Variants in MND1 observed in about 807,000 individuals in gnomAD.
MND1 encodes the protein meiotic nuclear divisions 1.
In MND1, 28 loss-of-function variants were observed where a neutral mutation model predicts 35.1. The ratio of observed to expected loss-of-function variants is 0.80; its 90% CI spans 0.59 to 1.09. The LOEUF is 1.09. Among genes scored for constraint, MND1 ranks in the 50% least tolerant of loss-of-function variants. MND1 has a pLI of 0.00. For synonymous variants in MND1, 69 were observed against 70.5 expected, an observed-to-expected ratio of 0.98 and a Z score of 0.11; for missense variants, 213 against 239.6, an observed-to-expected ratio of 0.89 and a Z score of 0.73.
chr4:153,382,725 T>C (rs1442840788), intron 4 of MND1, among the ~76,000 whole-genome samples: 2 of 152,196 alleles, frequency 1.3e-5, no homozygotes, highest in African/African-American at 4.8e-5. Context: ...AAATAATTTG[T>C]TTTATTTTAG....
intron 6 of MND1, among the ~76,000 whole-genome samples, chr4:153,400,355 C>T (rs139379480): frequency 6.8e-4 from 104 of 152,232 alleles, no homozygotes; most frequent in African/African-American, 2.5e-3. Flanking sequence ...AAGAATCCTT[C>T]CTTCCTGGCT....
In MND1 at chr4:153,414,912, T is replaced by A; in HGVS notation, c.*55T>A. The stretch of plus-strand genomic sequence containing the variant: ...GCTTGTGAATATGTAAATTTTAAAC[T>A]ATTATCTAACTAAGTGTACTGAATT... On this transcript the variant is annotated 3_prime_UTR_variant, in exon 8 of 8. Coordinates refer to ENST00000240488, the MANE Select transcript of MND1 (RefSeq NM_032117.4). 1.3e-6 allele frequency: 1 copy of A among 750,596 alleles called. No individual in the cohort carries two copies. Among genetic ancestry groups the A allele is most frequent in the Non-Finnish European group, 2.1e-6 (1 of 468,068 alleles). 46.5% of individuals were successfully genotyped at this position (750,596 alleles called of 1,614,324 possible).
chr4:153,369,691 G>A (rs1390543348), intron 4 of MND1, among the ~76,000 whole-genome samples: 1 of 151,240 alleles, frequency 6.6e-6, no homozygotes, highest in African/African-American at 2.4e-5. Flanking sequence ...TCAGGGTGAT[G>A]GTTGCTGAAG....
At position 153,397,923 on chromosome 4, in the gene MND1, C is replaced by T. The variant is rs375300022; in HGVS notation, c.466+590C>T. ...GAAGTGTGGGATAGAAGGATAAAGA[C>T]ATAAAATATAAGGTTAGAGAACTGA... On this transcript the variant is annotated intron_variant, in intron 6 of 7. Transcript: ENST00000240488. 1.4e-4 allele frequency among the ~76,000 whole-genome samples: 20 copies of T among 143,862 alleles called. No individual in the cohort carries two copies. In the South Asian group the frequency reaches 2.2e-3, roughly 16 times the overall value. 94.4% of individuals were successfully genotyped at this position (143,862 alleles called of 152,430 possible).
chr4:153,357,349 G>A (rs79053555), intron 3 of MND1, among the ~76,000 whole-genome samples: 1,727 of 152,132 alleles, frequency 0.011, 23 homozygotes, highest in Non-Finnish European at 0.019. Context: ...ATACACAGTT[G>A]ACCCTGGAAC....
chr4:153,408,815 T>A (rs1729591358), intron 6 of MND1, among the ~76,000 whole-genome samples, 156 bp from the exon 7 acceptor site: 1 of 151,262 alleles, frequency 6.6e-6, no homozygotes, highest in Non-Finnish European at 1.5e-5. Flanking sequence ...TGTCACTATT[T>A]CAGCTTTTTT....
At chr4:153,401,852 T>C (rs1729354650) in intron 6 of MND1, among the ~76,000 whole-genome samples, 1 of 152,218 alleles carries the variant, frequency 6.6e-6, no homozygotes, top group African/African-American at 2.4e-5. Flanking sequence ...AATACATATA[T>C]TTAATTATGC....
intron 6 of MND1, among the ~76,000 whole-genome samples, chr4:153,405,814 C>CT (rs1333187523): frequency 3.9e-5 from 6 of 151,912 alleles, no homozygotes; most frequent in South Asian, 2.1e-4. Context: ...ATTTATATTT[C>CT]TTTTTTTTGA....
At chr4:153,414,608 T>G in intron 7 of MND1, 143 bp from the exon 8 acceptor site, 1 of 455,556 alleles carries the variant, frequency 2.2e-6, no homozygotes, top group Non-Finnish European at 4.0e-6. Context: ...TTAGTTGCCA[T>G]TACTCTTAAA....
At position 153,371,073 on chromosome 4, in the gene MND1, A is replaced by ATTGCC. The variant is rs557534869; in HGVS notation, c.276+12454_276+12455insCCTTG. ...TTCTTGGGTGACTAGGTACATTGTCATTGGGCAGTAATATTTTGAAAGAAA... is the reference window on the plus strand; with the variant it reads ...TTCTTGGGTGACTAGGTACATTGTCATTGCCTTGGGCAGTAATATTTTGAAAGAAA... On this transcript the variant is annotated intron_variant, in intron 4 of 7. Transcript: ENST00000240488. Among the ~76,000 whole-genome samples the ATTGCC allele has an allele frequency of 3.5e-3, 535 of 152,192 alleles. 7 individuals are homozygous for ATTGCC. Among genetic ancestry groups the ATTGCC allele is most frequent in the South Asian group, 0.011 (55 of 4,822 alleles).
chr4:153,380,805 G>A (rs1182894619), intron 4 of MND1, among the ~76,000 whole-genome samples: 2 of 152,052 alleles, frequency 1.3e-5, no homozygotes, highest in Non-Finnish European at 2.9e-5. Context: ...AATAAACTAA[G>A]ATTTTTTTAC....
chr4:153,413,564 G>A (rs942943187), intron 7 of MND1, among the ~76,000 whole-genome samples: 1 of 151,864 alleles, frequency 6.6e-6, no homozygotes, highest in Non-Finnish European at 1.5e-5. Flanking sequence ...TGTTGTCTCT[G>A]CCACTCGTGG....
chr4:153,354,812 T>C (rs1468109717), intron 2 of MND1, among the ~76,000 whole-genome samples: 1 of 152,150 alleles, frequency 6.6e-6, no homozygotes, highest in East Asian at 1.9e-4. Flanking sequence ...TAACTAGTTT[T>C]TATACTTAAG....
At chr4:153,406,479 A>G (rs1436624051) in intron 6 of MND1, among the ~76,000 whole-genome samples, 1 of 152,078 alleles carries the variant, frequency 6.6e-6, no homozygotes, top group African/African-American at 2.4e-5. Context: ...CCAAGATTGT[A>G]CCACTGCACT....
At chr4:153,354,979 A>G (rs1773304306) in intron 2 of MND1, among the ~76,000 whole-genome samples, 1 of 152,032 alleles carries the variant, frequency 6.6e-6, no homozygotes, top group Non-Finnish European at 1.5e-5. Flanking sequence ...CCTGGGCAAA[A>G]TGGTGAGACC....
chr4:153,371,503 T>G (rs529309383), intron 4 of MND1, among the ~76,000 whole-genome samples: 1 of 152,234 alleles, frequency 6.6e-6, no homozygotes, highest in Admixed American at 6.5e-5. Context: ...CGTCTTGCAC[T>G]TTTACATTAT....
chr4:153,413,235 C>T (rs1729739397), intron 7 of MND1, among the ~76,000 whole-genome samples: 1 of 152,156 alleles, frequency 6.6e-6, no homozygotes, highest in Non-Finnish European at 1.5e-5. Context: ...CCTATTCTAA[C>T]CCTTTACTTC....
intron 6 of MND1, among the ~76,000 whole-genome samples, chr4:153,403,693 C>T (rs1018239065): frequency 5.9e-5 from 9 of 152,170 alleles, no homozygotes; most frequent in African/African-American, 1.7e-4. Context: ...GCTTCCCGGC[C>T]GGGTTCAAGT....
intron 1 of MND1, among the ~76,000 whole-genome samples, chr4:153,347,963 G>C (rs191379867): frequency 1.4e-3 from 208 of 152,268 alleles, no homozygotes; most frequent in Admixed American, 2.1e-3. Context: ...ACTCAGAAAC[G>C]TCTGGATGTC....
Sources: gnomAD v4.1 joint callset for allele counts (sites outside exome capture counted in the v4.1 genomes callset) on GRCh38, gnomAD v4.1.1 for gene constraint, MANE v1.5 for transcripts, NCBI Gene and HGNC (gene_info 2026-07-23, HGNC 2026-07-21) for gene names.